SYPL1: variants seen among roughly 807,000 people sequenced by gnomAD.
The protein encoded by SYPL1 is synaptophysin like 1, also known as synaptophysin-like protein 1.
A neutral mutation model predicts 23.7 loss-of-function variants in SYPL1; 6 were observed. That is an observed-to-expected ratio of 0.25 (90% CI 0.14 to 0.50). The LOEUF is 0.50. Among genes scored for constraint, SYPL1 ranks in the 20% least tolerant of loss-of-function variants. SYPL1 has a pLI of 0.98. For missense variants in SYPL1, 253 were observed against 288.9 expected, an observed-to-expected ratio of 0.88 and a Z score of 0.90; for synonymous variants, 102 against 104.5, an observed-to-expected ratio of 0.98 and a Z score of 0.15.
Position 106,096,857 on chromosome 7 carries a change from G to A in SYPL1, c.402+833C>T, listed in dbSNP as rs1840041170. 6.6e-6 allele frequency among the ~76,000 whole-genome samples: 1 copy of A among 152,156 alleles called. No individual in the cohort carries two copies. Among genetic ancestry groups the A allele is most frequent in the Non-Finnish European group, 1.5e-5 (1 of 68,034 alleles). On this transcript the variant is annotated intron_variant, in intron 3 of 4. Transcript: ENST00000455385. The surrounding 1 kb of genome is among the most constrained non-coding windows in gnomAD (Gnocchi z 4.4). ...AACTACTCAACTTTACCATTGCAGT[G>A]TGAAAGCAGCCATAGGCAATGTGTA...
At chr7:106,101,434 A>C (rs1357458633) in intron 1 of SYPL1, among the ~76,000 whole-genome samples, 71 of 41,128 alleles carry the variant, frequency 1.7e-3, no homozygotes, top group African/African-American at 4.4e-3. Context: ...GTTTTTTCCC[A>C]TCCGCCCCCC....
chr7:106,110,428 A>G (rs1790084507), intron 1 of SYPL1, among the ~76,000 whole-genome samples: 1 of 152,294 alleles, frequency 6.6e-6, no homozygotes, highest in East Asian at 1.9e-4. Flanking sequence ...TATTCTTTGC[A>G]TACACCTTTA....
rs1399737130 is a variant in SYPL1 at position 106,095,504 on chromosome 7, A to G, written c.402+2186T>C. Among the ~76,000 whole-genome samples, 1 of 151,992 alleles carries G rather than the reference A, an allele frequency of 6.6e-6. No homozygotes were observed. The highest frequency in any genetic ancestry group is 1.5e-5 in the Non-Finnish European group (1 of 68,004). ...GCTGGGATTACAGGTGCCCACCACC[A>G]TGTCCAGCTAATTTTTGTATTTTTA... On this transcript the variant is annotated intron_variant, in intron 3 of 4. Transcript: ENST00000455385. This position sits in a 1 kb window ranked among gnomAD's most constrained non-coding sequence, Gnocchi z 4.3.
At position 106,104,657 on chromosome 7, in the gene SYPL1, T is replaced by A. The variant is rs1185956991; in HGVS notation, c.70-5375A>T. ...ATAAAACCATATTTTGAATCTTACA[T>A]AATTATTATTTTAAAGCTTTTTGTT... is the stretch of plus-strand genomic sequence containing the variant. On this transcript the variant is annotated intron_variant, in intron 1 of 4. Transcript: ENST00000455385. This position sits in a 1 kb window ranked among gnomAD's most constrained non-coding sequence, Gnocchi z 4.1. 6.6e-6 allele frequency among the ~76,000 whole-genome samples: 1 copy of A among 152,200 alleles called. No homozygotes were observed. Among genetic ancestry groups the A allele is most frequent in the East Asian group, 1.9e-4 (1 of 5,202 alleles).
chr7:106,099,113 G>C, intron 2 of SYPL1, 45 bp downstream of exon 2: 1 of 1,576,670 alleles, frequency 6.3e-7, no homozygotes, highest in Non-Finnish European at 8.6e-7. Flanking sequence ...GACTCACTGT[G>C]AAAGTAAAAA....
intron 3 of SYPL1, among the ~76,000 whole-genome samples, chr7:106,094,118 C>A (rs1157479353): frequency 2.0e-5 from 3 of 152,158 alleles, no homozygotes; most frequent in African/African-American, 7.2e-5. Context: ...TCTTACATAT[C>A]TGCAGCAAAA....
At chr7:106,110,889 C>A (rs1270269292) in intron 1 of SYPL1, among the ~76,000 whole-genome samples, 5 of 152,094 alleles carry the variant, frequency 3.3e-5, no homozygotes, top group Non-Finnish European at 7.4e-5. Context: ...ACTTTCTTAA[C>A]GTTCATATTT....
At position 106,095,993 on chromosome 7, in the gene SYPL1, T is replaced by TA. The variant is rs1395687465; in HGVS notation, c.402+1696dup. Among the ~76,000 whole-genome samples the TA allele has an allele frequency of 1.3e-5, 2 of 152,252 alleles. No individual in the cohort carries two copies. Among genetic ancestry groups the TA allele is most frequent in the Admixed American group, 6.5e-5 (1 of 15,298 alleles). On this transcript the variant is annotated intron_variant, in intron 3 of 4. Transcript: ENST00000455385. This position sits in a 1 kb window ranked among gnomAD's most constrained non-coding sequence, Gnocchi z 4.3. ...ATAAAGGGCACACTGATAGATTTAG[T>TA]AAAAAAATTTGTTGGGATGACAAAA...
chr7:106,107,035 A>T (rs1563342277), intron 1 of SYPL1, among the ~76,000 whole-genome samples: 1 of 152,132 alleles, frequency 6.6e-6, no homozygotes, highest in African/African-American at 2.4e-5. Flanking sequence ...CATCTATTTA[A>T]ATTTCTTTCT....
At position 106,109,681 on chromosome 7, in the gene SYPL1, C is replaced by T. The variant is rs1048967725; in HGVS notation, c.69+2459G>A. On this transcript the variant is annotated intron_variant, in intron 1 of 4. Transcript: ENST00000455385. This position sits in a 1 kb window ranked among gnomAD's most constrained non-coding sequence, Gnocchi z 4.3. ...TTGACTTCCCATAAAATCTGCTCCT[C>T]CTCCTCTTAATGACATTACCTTGAA... Among the ~76,000 whole-genome samples, 2 of 152,194 alleles carry T rather than the reference C, an allele frequency of 1.3e-5. No homozygotes were observed. Among genetic ancestry groups the T allele is most frequent in the African/African-American group, 2.4e-5 (1 of 41,442 alleles).
At chr7:106,106,612 A>G (rs897729131) in intron 1 of SYPL1, among the ~76,000 whole-genome samples, 1 of 151,524 alleles carries the variant, frequency 6.6e-6, no homozygotes, top group Non-Finnish European at 1.5e-5. Flanking sequence ...TTGGGAGGCC[A>G]AGGCAGGTGA....
At chr7:106,110,720 T>C (rs772988937) in intron 1 of SYPL1, among the ~76,000 whole-genome samples, 1 of 152,134 alleles carries the variant, frequency 6.6e-6, no homozygotes, top group Non-Finnish European at 1.5e-5. Flanking sequence ...TCACTAGTGC[T>C]TGAAATATTA....
In SYPL1 at chr7:106,099,294, A is replaced by T. The variant is rs1424477552; in HGVS notation, c.70-12T>A. On this transcript the variant is annotated splice_polypyrimidine_tract_variant and intron_variant, in intron 1 of 4. Coordinates refer to ENST00000455385, the MANE Select transcript of SYPL1 (RefSeq NM_182715.4). ...AAGATAGAAGCAATCTACACAAAGT[A>T]AGATGAAAAAAGACAAAAGAAAAAA... The T allele has an allele frequency of 6.3e-7, 1 of 1,592,934 alleles. No individual in the cohort carries two copies. The highest frequency in any genetic ancestry group is 1.2e-5 in the South Asian group (1 of 86,474).
At chr7:106,098,735 T>G (rs921771226) in intron 2 of SYPL1, among the ~76,000 whole-genome samples, 1 of 152,208 alleles carries the variant, frequency 6.6e-6, no homozygotes, top group African/African-American at 2.4e-5. Flanking sequence ...ACATATGTCT[T>G]AAAACTATAT....
chr7:106,109,179 T>A lies in SYPL1; in HGVS notation c.69+2961A>T, dbSNP rs188178937. Among the ~76,000 whole-genome samples, 2 of 152,254 alleles carry A rather than the reference T, an allele frequency of 1.3e-5. No homozygotes were observed. Among genetic ancestry groups the A allele is most frequent in the African/African-American group, 4.8e-5 (2 of 41,476 alleles). Reference sequence around the variant, plus strand: ...AATGCAAATAAAGACTTTTGTTGCATACCAAATACAATGGTTGTCTCCAGA... The same window carrying A: ...AATGCAAATAAAGACTTTTGTTGCAAACCAAATACAATGGTTGTCTCCAGA... On this transcript the variant is annotated intron_variant, in intron 1 of 4. Coordinates refer to ENST00000455385, the MANE Select transcript of SYPL1 (RefSeq NM_182715.4). The surrounding 1 kb of genome is among the most constrained non-coding windows in gnomAD (Gnocchi z 4.3).
chr7:106,111,964 C>G, intron 1 of SYPL1, 176 bp downstream of exon 1: 1 of 803,848 alleles, frequency 1.2e-6, no homozygotes, highest in Non-Finnish European at 1.6e-6. Flanking sequence ...GCGTCTCCGC[C>G]CCGCGCGGCC....
Position 106,091,698 on chromosome 7 carries a change from T to C in SYPL1, c.*107A>G, listed in dbSNP as rs975669318. 25 of 1,268,756 alleles carry C rather than the reference T, an allele frequency of 2.0e-5. No homozygotes were observed. The highest frequency in any genetic ancestry group is 8.4e-5 in the Admixed American group (3 of 35,722). The allele number at this position is 1,268,756 out of a possible 1,614,324, so 78.6% of individuals were successfully genotyped here. On this transcript the variant is annotated 3_prime_UTR_variant, in exon 5 of 5. Coordinates refer to ENST00000455385, the MANE Select transcript of SYPL1 (RefSeq NM_182715.4). This position sits in a 1 kb window ranked among gnomAD's most constrained non-coding sequence, Gnocchi z 5.0. ...CAGCAAAGTTTTAAACCCACCAATA[T>C]ATTGACAAAGCCATTACTTTTATTA...
chr7:106,108,902 C>A (rs1292744662), intron 1 of SYPL1, among the ~76,000 whole-genome samples: 1 of 152,294 alleles, frequency 6.6e-6, no homozygotes, highest in East Asian at 1.9e-4. Context: ...ACATTATTTG[C>A]CTTTTACACT....
At position 106,090,653 on chromosome 7, in the gene SYPL1, GAATCCCTGT is replaced by G. The variant is rs1184312668; in HGVS notation, c.*1143_*1151del. The G allele has an allele frequency of 1.3e-5, 2 of 152,580 alleles. No homozygotes were observed. The highest frequency in any genetic ancestry group is 3.8e-4 in the East Asian group (2 of 5,206). The allele number at this position is 152,580 out of a possible 1,614,324, so 9.5% of individuals were successfully genotyped here. A position where few individuals can be genotyped will look rare whatever the true frequency, so the allele number is the denominator to read the frequency against. On this transcript the variant is annotated 3_prime_UTR_variant, in exon 5 of 5. Transcript: ENST00000455385. The stretch of plus-strand genomic sequence containing the variant: ...ATCATGTTGTAAGAATAAGAAACCT[GAATCCCTGT>G]ACAACAAAAAGATTAGGAAGCAAAA...
Sources: gnomAD v4.1 joint callset for allele counts (sites outside exome capture counted in the v4.1 genomes callset) on GRCh38, gnomAD v4.1.1 for gene constraint, Gnocchi (gnomAD v3.1) non-coding constraint, MANE v1.5 for transcripts, NCBI Gene and HGNC (gene_info 2026-07-23, HGNC 2026-07-21) for gene names.